SGCD: variants seen among roughly 807,000 people sequenced by gnomAD.
SGCD encodes delta-sarcoglycan.
A neutral mutation model predicts 36.6 loss-of-function variants in SGCD; 18 were observed. The ratio of observed to expected loss-of-function variants is 0.49; its 90% CI spans 0.34 to 0.73. SGCD has a LOEUF of 0.73. Among genes scored for constraint, SGCD ranks in the 30% least tolerant of loss-of-function variants. SGCD has a pLI of 0.01. For missense variants in SGCD, 387 were observed against 346.7 expected (o/e 1.12, Z -0.92); for synonymous variants, 133 against 130.6 (o/e 1.02, Z -0.12).
Position 156,761,938 on chromosome 5 carries a change from C to CA in SGCD, c.*2551dup, listed in dbSNP as rs1294219134. ...ATTTATGCTAAGTGACCACAGTATA[C>CA]AAAGTAATAAGCAGGAAATTTGATA... On this transcript the variant is annotated 3_prime_UTR_variant, in exon 9 of 9. Coordinates refer to ENST00000337851, the MANE Select transcript of SGCD (RefSeq NM_000337.6). The CA allele has an allele frequency of 6.6e-6, 1 of 152,292 alleles. No individual in the cohort carries two copies. The highest frequency in any genetic ancestry group is 2.1e-4 in the South Asian group (1 of 4,822). The allele number at this position is 152,292 out of a possible 1,614,324, so 9.4% of individuals were successfully genotyped here. A position where few individuals can be genotyped will look rare whatever the true frequency, so the allele number is the denominator to read the frequency against.
the SGCD span, among the ~76,000 whole-genome samples, chr5:155,818,313 AG>A: frequency 6.6e-6 from 1 of 152,026 alleles, no homozygotes; most frequent in African/African-American, 2.4e-5. Context: ...GGTTGGAAGG[AG>A]GGTATTCCAA....
intron 3 of SGCD, among the ~76,000 whole-genome samples, chr5:156,147,460 T>C (rs1334274939): frequency 6.6e-6 from 1 of 152,230 alleles, no homozygotes; most frequent in Non-Finnish European, 1.5e-5. Context: ...CTGTTTGCAT[T>C]TCCATGTCAT....
At chr5:156,032,754 A>G (rs1466931350) in intron 1 of SGCD, among the ~76,000 whole-genome samples, 1 of 146,982 alleles carries the variant, frequency 6.8e-6, no homozygotes, top group Non-Finnish European at 1.5e-5. Context: ...TAATTCCCAA[A>G]TACACCTAGC....
At chr5:156,319,178 T>C (rs1276302316) in intron 3 of SGCD, among the ~76,000 whole-genome samples, 1 of 152,202 alleles carries the variant, frequency 6.6e-6, no homozygotes, top group Non-Finnish European at 1.5e-5. Context: ...CTGTTGCTTC[T>C]AACAGTTTCT....
the SGCD span, among the ~76,000 whole-genome samples, chr5:155,791,095 A>G: frequency 6.6e-6 from 1 of 152,168 alleles, no homozygotes. Flanking sequence ...TGAAATCATG[A>G]TGATTAGAAT....
At chr5:156,567,742 C>G (rs1041878051) in intron 4 of SGCD, among the ~76,000 whole-genome samples, 8 of 152,164 alleles carry the variant, frequency 5.3e-5, no homozygotes, top group Admixed American at 1.3e-4. Flanking sequence ...CTAATGCATA[C>G]TTTGCAGCTT....
chr5:156,228,835 A>G, intron 3 of SGCD, among the ~76,000 whole-genome samples: 1 of 151,998 alleles, frequency 6.6e-6, no homozygotes, highest in East Asian at 1.9e-4. Context: ...AGCCATCCTT[A>G]TAGTGGTGGT....
At chr5:156,328,974 T>C (rs1767940702) in intron 1 of SGCD, among the ~76,000 whole-genome samples, 1 of 152,156 alleles carries the variant, frequency 6.6e-6, no homozygotes, top group South Asian at 2.1e-4. Flanking sequence ...TACTCCTCTA[T>C]ATTTAGCGTG....
At chr5:156,403,689 T>A (rs935712954) in intron 3 of SGCD, among the ~76,000 whole-genome samples, 2 of 152,196 alleles carry the variant, frequency 1.3e-5, no homozygotes, top group Non-Finnish European at 2.9e-5. Context: ...AATTCCCCAT[T>A]GCCTTATGAG....
At chr5:156,298,777 C>T (rs776766834) in intron 3 of SGCD, among the ~76,000 whole-genome samples, 1 of 151,896 alleles carries the variant, frequency 6.6e-6, no homozygotes, top group African/African-American at 2.4e-5. Flanking sequence ...ATATTTTGCT[C>T]ATTTTTAATT....
intron 3 of SGCD, among the ~76,000 whole-genome samples, chr5:156,388,807 T>C (rs1405801234): frequency 6.6e-6 from 1 of 152,266 alleles, no homozygotes; most frequent in African/African-American, 2.4e-5. Context: ...AATCCATTAG[T>C]ATTTTAAATA....
intron 3 of SGCD, among the ~76,000 whole-genome samples, chr5:156,491,747 A>T (rs1755952354): frequency 6.6e-6 from 1 of 152,146 alleles, no homozygotes; most frequent in African/African-American, 2.4e-5. Flanking sequence ...TTCTTACCAA[A>T]CTATGCCCAA....
chr5:156,372,545 C>T (rs1199635674), intron 3 of SGCD, among the ~76,000 whole-genome samples: 2 of 152,166 alleles, frequency 1.3e-5, no homozygotes, highest in African/African-American at 4.8e-5. Context: ...ATTATAGGAG[C>T]ACATATAATC....
chr5:156,098,974 G>A (rs1761450400), intron 1 of SGCD, among the ~76,000 whole-genome samples: 1 of 152,234 alleles, frequency 6.6e-6, no homozygotes, highest in Middle Eastern at 3.4e-3. Context: ...TGTTGGGTTT[G>A]CCAGATGTTG....
At chr5:156,381,900 T>C (rs1023807022) in intron 3 of SGCD, among the ~76,000 whole-genome samples, 12 of 152,212 alleles carry the variant, frequency 7.9e-5, no homozygotes, top group African/African-American at 2.9e-4. Context: ...ATAATAATAG[T>C]ATATTCCTCC....
chr5:155,883,900 A>G (rs1209341436), intron 1 of SGCD, among the ~76,000 whole-genome samples: 2 of 152,020 alleles, frequency 1.3e-5, no homozygotes, highest in African/African-American at 4.8e-5. Context: ...ATGAATGCTC[A>G]GAGCATTTCA....
chr5:156,340,995 C>G (rs924109814), intron 2 of SGCD, among the ~76,000 whole-genome samples: 7 of 152,136 alleles, frequency 4.6e-5, no homozygotes, highest in Non-Finnish European at 1.0e-4. Flanking sequence ...AGTGCTCATC[C>G]CCTTCACTGT....
At chr5:156,342,255 C>A (rs1026552607) in intron 2 of SGCD, among the ~76,000 whole-genome samples, 1 of 152,180 alleles carries the variant, frequency 6.6e-6, no homozygotes, top group Non-Finnish European at 1.5e-5. Context: ...AGAGAAAAGG[C>A]AACTGATATA....
intron 3 of SGCD, among the ~76,000 whole-genome samples, chr5:156,397,858 T>C (rs1187865174): frequency 6.6e-6 from 1 of 152,208 alleles, no homozygotes; most frequent in Non-Finnish European, 1.5e-5. Flanking sequence ...ACAAATTTGA[T>C]GGGTTTCTGG....
Sources: gnomAD v4.1 joint callset for allele counts (sites outside exome capture counted in the v4.1 genomes callset) on GRCh38, gnomAD v4.1.1 for gene constraint, MANE v1.5 for transcripts, NCBI Gene and HGNC (gene_info 2026-07-23, HGNC 2026-07-21) for gene names.